Variants in DTX1 observed in about 807,000 individuals in gnomAD.
DTX1 encodes the protein E3 ubiquitin-protein ligase DTX1.
A neutral mutation model predicts 57.8 loss-of-function variants in DTX1; 26 were observed. The observed-to-expected ratio is 0.45, with a 90% CI of 0.33 to 0.62. DTX1 has a LOEUF of 0.62. DTX1 is among the 20% of genes least tolerant of loss of function. The pLI, the probability that DTX1 is intolerant of heterozygous loss-of-function variation, is 0.02. For synonymous variants in DTX1, 398 were observed against 394.1 expected (o/e 1.01, Z -0.12); for missense variants, 704 against 895.3 (o/e 0.79, Z 2.73).
intron 2 of DTX1, among the ~76,000 whole-genome samples, chr12:113,060,890 T>G (rs1286895904): frequency 6.6e-6 from 1 of 152,008 alleles, no homozygotes; most frequent in Non-Finnish European, 1.5e-5. Context: ...GTAGAGATCT[T>G]CCGGGACCTA....
chr12:113,088,465 G>A (rs1266793957), intron 3 of DTX1, among the ~76,000 whole-genome samples: 1 of 152,238 alleles, frequency 6.6e-6, no homozygotes, highest in Non-Finnish European at 1.5e-5. Flanking sequence ...ACAGGGCCTG[G>A]TCATGCTTAA....
At chr12:113,069,215 T>A (rs1170834061) in intron 2 of DTX1, among the ~76,000 whole-genome samples, 1 of 152,022 alleles carries the variant, frequency 6.6e-6, no homozygotes, top group East Asian at 1.9e-4. Context: ...GGGCTCAGGC[T>A]GTGGAGGACT....
Position 113,093,457 on chromosome 12 carries a change from G to GC in DTX1, c.1004-78dup. ...GCGCAACCCTCCCACCCACCCGAGGGCCCCGGGATTCCCAGGGCCAGTGGT... is the reference window on the plus strand; with the variant it reads ...GCGCAACCCTCCCACCCACCCGAGGGCCCCCGGGATTCCCAGGGCCAGTGGT... On this transcript the variant is annotated intron_variant, in intron 4 of 9. Transcript: ENST00000548759. This position sits in a 1 kb window ranked among gnomAD's most constrained non-coding sequence, Gnocchi z 4.2. 2 of 1,148,526 alleles carry GC rather than the reference G, an allele frequency of 1.7e-6. No homozygotes were observed. The highest frequency in any genetic ancestry group is 2.4e-6 in the Non-Finnish European group (2 of 836,848). 71.1% of individuals were successfully genotyped at this position (1,148,526 alleles called of 1,614,324 possible).
Position 113,093,744 on chromosome 12 carries a change from A to C in DTX1, c.1165+44A>C. The C allele has an allele frequency of 1.2e-6, 2 of 1,603,198 alleles. No individual in the cohort carries two copies. The highest frequency in any genetic ancestry group is 8.5e-7 in the Non-Finnish European group (1 of 1,172,744). On this transcript the variant is annotated intron_variant, in intron 5 of 9. Transcript: ENST00000548759. The surrounding 1 kb of genome is among the most constrained non-coding windows in gnomAD (Gnocchi z 4.2). ...GCCTCACACGAGATGAACCCCACTAAGCCTTGACCACAACTCTGTGACCCC... is the reference window on the plus strand; with the variant it reads ...GCCTCACACGAGATGAACCCCACTACGCCTTGACCACAACTCTGTGACCCC...
intron 2 of DTX1, among the ~76,000 whole-genome samples, chr12:113,076,994 AGT>A (rs1364503364): frequency 1.3e-5 from 2 of 149,908 alleles, no homozygotes; most frequent in Non-Finnish European, 3.0e-5. Flanking sequence ...CCCCCACTTC[AGT>A]GTCTGTCTTG....
At chr12:113,094,281 G>C (rs1950269571) in intron 6 of DTX1, among the ~76,000 whole-genome samples, 182 bp downstream of exon 6, 1 of 152,184 alleles carries the variant, frequency 6.6e-6, no homozygotes, top group Admixed American at 6.5e-5. Context: ...TCCATCTTTT[G>C]ATGATTGAGT....
At position 113,080,952 on chromosome 12, in the gene DTX1, G is replaced by A. The variant is rs150639460; in HGVS notation, c.941+2847G>A. Among the ~76,000 whole-genome samples, 146 of 147,350 alleles carry A rather than the reference G, an allele frequency of 9.9e-4. 2 individuals are homozygous for A. In the East Asian group the frequency reaches 0.018, roughly 18 times the overall value. ...ATCACACCACTGCACTGCAGCCTGA[G>A]AGACAGAGCAAGACACTGTCTCAAA... On this transcript the variant is annotated intron_variant, in intron 3 of 9. Transcript: ENST00000548759.
At chr12:113,065,481 C>G (rs781249707) in intron 2 of DTX1, among the ~76,000 whole-genome samples, 3 of 152,154 alleles carry the variant, frequency 2.0e-5, no homozygotes, top group Non-Finnish European at 4.4e-5. Flanking sequence ...GACAGACCCC[C>G]TCGCAGCCCT....
intron 3 of DTX1, among the ~76,000 whole-genome samples, chr12:113,085,635 T>C (rs558238664): frequency 6.6e-6 from 1 of 152,264 alleles, no homozygotes; most frequent in South Asian, 2.1e-4. Flanking sequence ...TTGTCTCCCA[T>C]CTTTTCTGTA....
At chr12:113,095,522 C>G in intron 9 of DTX1, 108 bp downstream of exon 9, 5 of 1,420,834 alleles carry the variant, frequency 3.5e-6, no homozygotes, top group Non-Finnish European at 4.8e-6. Context: ...CTCTCACATT[C>G]CTCCCAAAAG....
At chr12:113,079,975 G>A (rs1380025840) in intron 3 of DTX1, among the ~76,000 whole-genome samples, 1 of 151,914 alleles carries the variant, frequency 6.6e-6, no homozygotes, top group Non-Finnish European at 1.5e-5. Context: ...AAAACGCTGT[G>A]TACCTGAACA....
intron 9 of DTX1, among the ~76,000 whole-genome samples, 186 bp from the exon 10 acceptor site, chr12:113,096,528 GC>G (rs1341594148): frequency 6.6e-6 from 1 of 151,866 alleles, no homozygotes; most frequent in Non-Finnish European, 1.5e-5. Context: ...CTTGGAAAGA[GC>G]TTTTACTGGA....
intron 2 of DTX1, among the ~76,000 whole-genome samples, chr12:113,072,596 T>G (rs1285822455): frequency 6.6e-6 from 1 of 151,998 alleles, no homozygotes. Flanking sequence ...GTTTCCCCAG[T>G]AATTCTTTGG....
chr12:113,081,934 C>G (rs2136061657), intron 3 of DTX1, among the ~76,000 whole-genome samples: 1 of 152,180 alleles, frequency 6.6e-6, no homozygotes, highest in East Asian at 1.9e-4. Context: ...GAAGCCTGGG[C>G]TTGGTGCTGC....
chr12:113,064,388 TCG>T (rs2044689899), intron 2 of DTX1, among the ~76,000 whole-genome samples: 1 of 152,196 alleles, frequency 6.6e-6, no homozygotes. Context: ...AATTCATCGC[TCG>T]TATTTGGTAG....
At chr12:113,076,534 C>A (rs902766602) in intron 2 of DTX1, among the ~76,000 whole-genome samples, 1 of 150,518 alleles carries the variant, frequency 6.6e-6, no homozygotes, top group Non-Finnish European at 1.5e-5. Context: ...GAGGCCAAGG[C>A]GGTTGGATTG....
chr12:113,093,437 A>AC lies in DTX1; in HGVS notation c.1004-99dup, dbSNP rs1950261408. The AC allele has an allele frequency of 5.1e-5, 28 of 552,090 alleles. No homozygotes were observed. Among genetic ancestry groups the AC allele is most frequent in the Non-Finnish European group, 7.8e-5 (25 of 319,634 alleles). 34.2% of individuals were successfully genotyped at this position (552,090 alleles called of 1,614,324 possible). A position where few individuals can be genotyped will look rare whatever the true frequency, so the allele number is the denominator to read the frequency against. ...TGAGTGGGTGGGGCCCAAGAGCGCAACCCTCCCACCCACCCGAGGGCCCCG... is the reference window on the plus strand; with the variant it reads ...TGAGTGGGTGGGGCCCAAGAGCGCAACCCCTCCCACCCACCCGAGGGCCCCG... On this transcript the variant is annotated intron_variant, in intron 4 of 9. Transcript: ENST00000548759. The surrounding 1 kb of genome is among the most constrained non-coding windows in gnomAD (Gnocchi z 4.2).
At chr12:113,073,443 A>G (rs2044749963) in intron 2 of DTX1, among the ~76,000 whole-genome samples, 1 of 152,182 alleles carries the variant, frequency 6.6e-6, no homozygotes, top group Non-Finnish European at 1.5e-5. Flanking sequence ...TGCCCCAGAG[A>G]TGCAGGGGAA....
chr12:113,078,146 G>A (rs1383337927), intron 3 of DTX1, 41 bp downstream of exon 3: 5 of 1,308,172 alleles, frequency 3.8e-6, no homozygotes, highest in East Asian at 3.3e-5. Context: ...TGCGTCGTCC[G>A]CAGGCAAGGA....
Sources: gnomAD v4.1 joint callset for allele counts (sites outside exome capture counted in the v4.1 genomes callset) on GRCh38, gnomAD v4.1.1 for gene constraint, Gnocchi (gnomAD v3.1) non-coding constraint, MANE v1.5 for transcripts, NCBI Gene and HGNC (gene_info 2026-07-23, HGNC 2026-07-21) for gene names.